PTPRD: variants seen among roughly 807,000 people sequenced by gnomAD.
PTPRD encodes the protein receptor-type tyrosine-protein phosphatase delta.
In PTPRD, 34 loss-of-function variants were observed where a neutral mutation model predicts 214.5. That is an observed-to-expected ratio of 0.16 (90% CI 0.12 to 0.21). The LOEUF is 0.21. Among genes scored for constraint, PTPRD ranks in the 10% least tolerant of loss-of-function variants. The pLI is 1.00. For missense variants in PTPRD, 2,545 were observed against 2,398.7 expected, an observed-to-expected ratio of 1.06 and a Z score of -1.27; for synonymous variants, 1,128 against 845.7, an observed-to-expected ratio of 1.33 and a Z score of -5.79.
intron 11 of PTPRD, among the ~76,000 whole-genome samples, chr9:8,908,467 A>C (rs901200363): frequency 3.9e-5 from 6 of 152,162 alleles, no homozygotes; most frequent in Non-Finnish European, 8.8e-5. Context: ...AATATACAGA[A>C]ATTAAACAGC....
At chr9:8,435,866 T>C (rs2095325637) in intron 35 of PTPRD, among the ~76,000 whole-genome samples, 1 of 152,204 alleles carries the variant, frequency 6.6e-6, no homozygotes, top group African/African-American at 2.4e-5. Context: ...TGAAAATACA[T>C]TTCTATCTTA....
chr9:8,865,444 G>A (rs997000028), intron 11 of PTPRD, among the ~76,000 whole-genome samples: 4 of 152,112 alleles, frequency 2.6e-5, no homozygotes, highest in Admixed American at 2.6e-4. Flanking sequence ...ATAGAAATAG[G>A]AAATGAACTG....
At chr9:9,874,163 A>G (rs150846125) in intron 5 of PTPRD, among the ~76,000 whole-genome samples, 1 of 152,176 alleles carries the variant, frequency 6.6e-6, no homozygotes, top group South Asian at 2.1e-4. Context: ...TGTATAATAA[A>G]TGAACAGAAG....
chr9:10,257,220 T>G (rs917623619), intron 3 of PTPRD, among the ~76,000 whole-genome samples: 1 of 152,232 alleles, frequency 6.6e-6, no homozygotes, highest in Non-Finnish European at 1.5e-5. Context: ...ATTAACTGCC[T>G]GTGATACAAG....
rs567665970 is a variant in PTPRD, at chr9:9,407,793, C to T, written c.-236-10311G>A. 3.8e-4 allele frequency among the ~76,000 whole-genome samples: 57 copies of T among 151,760 alleles called. No homozygotes were observed. The South Asian group carries it at 6.6e-3, about 18-fold the overall frequency. On this transcript the variant is annotated intron_variant, in intron 8 of 45. Transcript: ENST00000381196. ...TAAACTCATTTCAGTTCCTTGTACA[C>T]GCTAATCATTCCATAAAAGCTAGTT... is the stretch of plus-strand genomic sequence containing the variant.
intron 5 of PTPRD, among the ~76,000 whole-genome samples, chr9:9,786,184 C>T (rs893857257): frequency 2.0e-5 from 3 of 152,044 alleles, no homozygotes; most frequent in African/African-American, 4.8e-5. Flanking sequence ...TATTGATTGC[C>T]ATTATTTGCC....
At chr9:10,537,732 A>C (rs1199171364) in intron 2 of PTPRD, among the ~76,000 whole-genome samples, 5 of 152,118 alleles carry the variant, frequency 3.3e-5, no homozygotes, top group Admixed American at 2.0e-4. Context: ...TTATCATCAT[A>C]ATGTCTTAAA....
At chr9:9,528,838 T>A (rs76849700) in intron 8 of PTPRD, among the ~76,000 whole-genome samples, 4,829 of 151,992 alleles carry the variant, frequency 0.032, 266 homozygotes, top group African/African-American at 0.11. Flanking sequence ...AAATCCATCA[T>A]TCAAGAATTT....
chr9:8,484,282 C>G lies in PTPRD; in HGVS notation c.3250G>C (p.Val1084Leu), dbSNP rs2135781751. ...NLKPEKSYSF[V>L]LTNRGNSAGG... ...GCACTGTTTCCACGATTTGTCAGCACAAATGAATATGATTTCTCAGGCTTC... is the reference window on the plus strand; with the variant it reads ...GCACTGTTTCCACGATTTGTCAGCAGAAATGAATATGATTTCTCAGGCTTC... Residue 1084 changes from valine (V) to leucine (L), a missense_variant, in exon 30 of 46, where the codon GTG becomes CTG. Coordinates refer to ENST00000381196, the MANE Select transcript of PTPRD (RefSeq NM_002839.4). 1.2e-6 allele frequency: 2 copies of G among 1,614,038 alleles called. No homozygotes were observed. The highest frequency in any genetic ancestry group is 1.3e-5 in the African/African-American group (1 of 74,994).
At chr9:10,609,555 T>G (rs1240363310) in intron 2 of PTPRD, among the ~76,000 whole-genome samples, 1 of 152,134 alleles carries the variant, frequency 6.6e-6, no homozygotes, top group Non-Finnish European at 1.5e-5. Flanking sequence ...TAACTAGCAA[T>G]ATTTTAGCTT....
At chr9:9,711,699 A>G (rs1270646489) in intron 7 of PTPRD, among the ~76,000 whole-genome samples, 3 of 152,148 alleles carry the variant, frequency 2.0e-5, no homozygotes, top group African/African-American at 4.8e-5. Context: ...GCTAGTTACT[A>G]CTACATGTAG....
chr9:8,653,462 C>T (rs568702999), intron 12 of PTPRD, among the ~76,000 whole-genome samples: 2 of 152,188 alleles, frequency 1.3e-5, no homozygotes, highest in East Asian at 1.9e-4. Flanking sequence ...TCCCATGTTC[C>T]AAACAGTCAA....
At chr9:8,450,986 C>G (rs1023410612) in intron 33 of PTPRD, among the ~76,000 whole-genome samples, 64 of 152,054 alleles carry the variant, frequency 4.2e-4, no homozygotes, top group African/African-American at 1.5e-3. Context: ...TTTCTCTGTT[C>G]GATGTGACTG....
In PTPRD at chr9:8,500,558, G is replaced by GGAAAAAAAAAAAAAA. The variant is rs2097373754; in HGVS notation, c.2128+195_2128+196insTTTTTTTTTTTTTTC. 9.2e-3 allele frequency among the ~76,000 whole-genome samples: 132 copies of GGAAAAAAAAAAAAAA among 14,318 alleles called. 11 individuals carry two copies. Among genetic ancestry groups the GGAAAAAAAAAAAAAA allele is most frequent in the South Asian group, 0.021 (5 of 242 alleles). 9.4% of individuals were successfully genotyped at this position (14,318 alleles called of 152,430 possible). A position where few individuals can be genotyped will look rare whatever the true frequency, so the allele number is the denominator to read the frequency against. On this transcript the variant is annotated intron_variant, in intron 24 of 45. Coordinates refer to ENST00000381196, the MANE Select transcript of PTPRD (RefSeq NM_002839.4). ...TTACTGCATTGAGATTGAAAAAAAT[G>GGAAAAAAAAAAAAAA]AAAAAAAAAAAAAAAAAAAAAAAAA...
rs2138581605 is a variant in PTPRD, at chr9:8,518,353, C to G, written c.1038G>C (p.Gly346=). 1 of 1,614,078 alleles carries G rather than the reference C, an allele frequency of 6.2e-7. No homozygotes were observed. Among genetic ancestry groups the G allele is most frequent in the East Asian group, 2.2e-5 (1 of 44,868 alleles). The change falls in exon 21 of 46, where the codon GGG becomes GGC. Residue 346 remains glycine (G), a synonymous_variant. Coordinates refer to ENST00000381196, the MANE Select transcript of PTPRD (RefSeq NM_002839.4). ...ATSITLTWDS[G]NPEPVSYYII... ...TGTAATAAGAAACAGGCTCAGGGTT[C>G]CCAGAGTCCCACGTCAGTGTGATGC...
intron 2 of PTPRD, among the ~76,000 whole-genome samples, chr9:10,535,838 AAT>A (rs1168761937): frequency 6.6e-6 from 1 of 152,094 alleles, no homozygotes; most frequent in Non-Finnish European, 1.5e-5. Context: ...CATATGGAAT[AAT>A]ATGTCCCAAG....
intron 3 of PTPRD, among the ~76,000 whole-genome samples, chr9:10,216,927 T>C (rs545077291): frequency 9.9e-5 from 15 of 152,120 alleles, no homozygotes; most frequent in Non-Finnish European, 1.9e-4. Context: ...TAGCTTTCTG[T>C]TCATTCCTCC....
intron 2 of PTPRD, among the ~76,000 whole-genome samples, chr9:10,379,244 T>C (rs1028660762): frequency 2.0e-5 from 3 of 151,674 alleles, no homozygotes; most frequent in Admixed American, 2.0e-4. Flanking sequence ...TCTAATAGTT[T>C]TTTTTGTGTG....
chr9:8,518,398 C>T lies in PTPRD; in HGVS notation c.993G>A (p.Val331=), dbSNP rs1166636170. ...ALPKPPGTPV[V]TESTATSITL... is the part of the protein sequence containing the mutation. The stretch of plus-strand genomic sequence containing the variant: ...TGATGCTTGTAGCTGTGCTCTCGGT[C>T]ACTACAGGAGTTCCTGGAGGTTTGG... The change falls in exon 21 of 46, where the codon GTG becomes GTA. Residue 331 remains valine, a synonymous_variant. Transcript: ENST00000381196. 1 of 1,612,814 alleles carries T rather than the reference C, an allele frequency of 6.2e-7. No individual in the cohort carries two copies. Among genetic ancestry groups the T allele is most frequent in the East Asian group, 2.2e-5 (1 of 44,882 alleles).
Sources: allele counts gnomAD v4.1 joint callset (sites outside exome capture counted in the v4.1 genomes callset), GRCh38; gene constraint gnomAD v4.1.1; transcripts MANE v1.5; gene names NCBI Gene and HGNC (gene_info 2026-07-23, HGNC 2026-07-21).